Variants in NBAS observed in about 807,000 individuals in gnomAD.
NBAS encodes the protein NBAS subunit of NRZ tethering complex.
NBAS carries 219 observed loss-of-function variants against 302.5 expected under a neutral mutation model. That is an observed-to-expected ratio of 0.72 (90% CI 0.65 to 0.81). NBAS has a LOEUF of 0.81. Ranked by LOEUF, NBAS falls within the 30% of genes least tolerant of loss-of-function variation. The pLI is 0.00. For missense variants in NBAS, 2,932 were observed against 2,841.6 expected, an observed-to-expected ratio of 1.03 and a Z score of -0.72; for synonymous variants, 1,118 against 1,021.6, an observed-to-expected ratio of 1.09 and a Z score of -1.80.
chr2:15,319,922 C>G (rs567289183), intron 38 of NBAS, among the ~76,000 whole-genome samples: 2 of 152,070 alleles, frequency 1.3e-5, no homozygotes, highest in Non-Finnish European at 1.5e-5. Context: ...CATACCAAAG[C>G]CTGGCAGAGA....
At chr2:15,493,451 T>C (rs1329971096) in intron 11 of NBAS, among the ~76,000 whole-genome samples, 1 of 152,128 alleles carries the variant, frequency 6.6e-6, no homozygotes, top group African/African-American at 2.4e-5. Context: ...GTGGATTACC[T>C]GAGGTCAGGA....
chr2:14,937,986 G>A, the NBAS span, among the ~76,000 whole-genome samples: 11 of 152,128 alleles, frequency 7.2e-5, no homozygotes, highest in African/African-American at 9.6e-5. Flanking sequence ...AAAATTAGCC[G>A]TCATGGTGGT....
chr2:15,076,262 A>G, the NBAS span, among the ~76,000 whole-genome samples: 1 of 152,220 alleles, frequency 6.6e-6, no homozygotes. Context: ...AAAACCCAGA[A>G]GTCTGATCAT....
At chr2:15,071,130 G>A in the NBAS span, among the ~76,000 whole-genome samples, 1 of 152,120 alleles carries the variant, frequency 6.6e-6, no homozygotes, top group Non-Finnish European at 1.5e-5. Context: ...CTGGAAGAAG[G>A]GCCTATGTTC....
the NBAS span, among the ~76,000 whole-genome samples, chr2:15,088,248 A>G: frequency 5.1e-4 from 77 of 152,348 alleles, no homozygotes; most frequent in Middle Eastern, 3.4e-3. Flanking sequence ...GAAAGAATCT[A>G]TGAAGGAATT....
chr2:15,190,570 G>C (rs954587790), intron 48 of NBAS, among the ~76,000 whole-genome samples, 167 bp from the exon 49 acceptor site: 1 of 152,160 alleles, frequency 6.6e-6, no homozygotes, highest in Non-Finnish European at 1.5e-5. Flanking sequence ...CTTACTCAAT[G>C]TCAGATTATG....
At chr2:14,830,442 A>G in the NBAS span, among the ~76,000 whole-genome samples, 5 of 152,316 alleles carry the variant, frequency 3.3e-5, no homozygotes, top group Admixed American at 3.3e-4. Context: ...CCCCTGGGTC[A>G]GTAAACACCC....
chr2:15,094,503 T>C, the NBAS span, among the ~76,000 whole-genome samples: 68 of 150,806 alleles, frequency 4.5e-4, no homozygotes, highest in Non-Finnish European at 8.8e-4. Flanking sequence ...CTTGCTATCA[T>C]GGGGGAAAAA....
the NBAS span, among the ~76,000 whole-genome samples, chr2:15,093,682 T>C: frequency 3.3e-5 from 5 of 152,110 alleles, no homozygotes; most frequent in Non-Finnish European, 7.4e-5. Flanking sequence ...AAAAAGTAAA[T>C]TATGTCCAAC....
At chr2:15,506,804 G>T (rs1272367147) in intron 10 of NBAS, among the ~76,000 whole-genome samples, 1 of 151,944 alleles carries the variant, frequency 6.6e-6, no homozygotes, top group Non-Finnish European at 1.5e-5. Flanking sequence ...ACAAAAAAAA[G>T]AAAAAAGAAA....
At chr2:15,132,731 C>T in the NBAS span, among the ~76,000 whole-genome samples, 1 of 151,776 alleles carries the variant, frequency 6.6e-6, no homozygotes, top group Non-Finnish European at 1.5e-5. Context: ...TTCTGTGAAC[C>T]TAAAACTGCT....
At chr2:15,438,925 T>C (rs1406363114) in intron 21 of NBAS, among the ~76,000 whole-genome samples, 1 of 152,150 alleles carries the variant, frequency 6.6e-6, no homozygotes, top group Non-Finnish European at 1.5e-5. Context: ...ATAGTTCAAG[T>C]TCCAGTCAGC....
At chr2:14,871,181 A>G in the NBAS span, among the ~76,000 whole-genome samples, 1 of 151,964 alleles carries the variant, frequency 6.6e-6, no homozygotes, top group Non-Finnish European at 1.5e-5. Flanking sequence ...TAACATACCT[A>G]TAATTGGAGA....
At chr2:14,903,116 G>C in the NBAS span, among the ~76,000 whole-genome samples, 1 of 152,026 alleles carries the variant, frequency 6.6e-6, no homozygotes, top group Admixed American at 6.5e-5. Context: ...TACATACAGT[G>C]TCTTGGCCTC....
chr2:15,226,278 C>T (rs898983698), intron 47 of NBAS, among the ~76,000 whole-genome samples: 54 of 152,134 alleles, frequency 3.5e-4, no homozygotes, highest in African/African-American at 1.2e-3. Context: ...ATTAGATGTT[C>T]ATTAGGATTT....
intron 27 of NBAS, among the ~76,000 whole-genome samples, chr2:15,395,981 T>A (rs1437132396): frequency 6.6e-6 from 1 of 152,112 alleles, no homozygotes; most frequent in Non-Finnish European, 1.5e-5. Flanking sequence ...TTCAATGTAT[T>A]ATGCCCTAAA....
chr2:15,357,249 A>T (rs1468778756), intron 32 of NBAS, among the ~76,000 whole-genome samples: 3 of 152,216 alleles, frequency 2.0e-5, no homozygotes, highest in African/African-American at 7.2e-5. Context: ...GTAAAATCAG[A>T]AACAACCAAC....
intron 35 of NBAS, among the ~76,000 whole-genome samples, chr2:15,338,914 G>A (rs918012907): frequency 3.9e-5 from 6 of 152,166 alleles, no homozygotes; most frequent in African/African-American, 1.4e-4. Context: ...TTGGGGGGCT[G>A]AGGCAGAAGG....
chr2:15,061,406 T>C, the NBAS span, among the ~76,000 whole-genome samples: 1 of 152,234 alleles, frequency 6.6e-6, no homozygotes, highest in Non-Finnish European at 1.5e-5. Context: ...ATCAAATATG[T>C]AAATGTCCTA....
Sources: allele counts gnomAD v4.1 joint callset (sites outside exome capture counted in the v4.1 genomes callset), GRCh38; gene constraint gnomAD v4.1.1; transcripts MANE v1.5; gene names NCBI Gene and HGNC (gene_info 2026-07-23, HGNC 2026-07-21).